The following WDR45 variants were observed in gnomAD, a reference collection of about 807,000 sequenced individuals.
The protein encoded by WDR45 is WD repeat domain 45.
WDR45 carries 2 observed loss-of-function variants against 27.3 expected under a neutral mutation model. That is an observed-to-expected ratio of 0.07 (90% confidence interval 0.03 to 0.23). The LOEUF (loss-of-function observed/expected upper bound fraction) is 0.23, where lower values mean the gene tolerates loss of function less well. Ranked by LOEUF, WDR45 falls within the 10% of genes least tolerant of loss-of-function variation. The probability of loss-of-function intolerance (pLI) is 1.00; values close to 1 mark genes in which losing one functional copy is unlikely to be tolerated. For synonymous variants in WDR45, 99 were observed against 119.2 expected, an observed-to-expected ratio of 0.83 and a Z score of 1.11; for missense variants, 175 against 311.9, an observed-to-expected ratio of 0.56 and a Z score of 3.31.
intron 2 of WDR45, among the ~76,000 whole-genome samples, chrX:49,097,858 A>G (rs1349839832): frequency 3.7e-5 from 4 of 107,314 alleles, no homozygotes; most frequent in Non-Finnish European, 5.8e-5. Flanking sequence ...GGGTTTCACC[A>G]TGTTGGTCAG....
At chrX:49,083,963 A>AG (rs1453387432), upstream of WDR45, among the ~76,000 whole-genome samples, 3 of 107,428 alleles carry the variant, frequency 2.8e-5, no homozygotes, top group Non-Finnish European at 5.8e-5. Context: ...AAAAAAAAAA[A>AG]AAAGAATAAA....
At chrX:49,084,638 AT>A (rs113643905), upstream of WDR45, among the ~76,000 whole-genome samples, 7 of 98,390 alleles carry the variant, frequency 7.1e-5, no homozygotes, top group African/African-American at 2.6e-4. Context: ...TGAAACAATG[AT>A]TTTTTTTTTT....
In WDR45 at chrX:49,076,724, C is replaced by T; in HGVS notation, c.262G>A (p.Gly88Ser). The change falls in exon 5 of 11, where the codon GGC (glycine) becomes AGC (serine). Residue 88 changes from glycine to serine, a missense_variant. Gly to Ser is a moderately conservative substitution (Grantham distance 56). Around this residue, in one of 3 missense-constraint regions of WDR45, gnomAD observed 102 missense variants for 165.4 expected, o/e 0.62. Transcript: ENST00000376372. ...ACCAGCTTCTCCTTGGAGTCCTTGC[C>T]CTCCCGGGCATCGTCCCAGATCAGC... Reference protein sequence around the residue: ...SVLIWDDAREGKDSKEKLVLE... With the variant: ...SVLIWDDARESKDSKEKLVLE... 8.3e-7 allele frequency: 1 copy of T among 1,208,084 alleles called. No homozygotes were observed. The highest frequency in any genetic ancestry group is 1.1e-6 in the Non-Finnish European group (1 of 893,511).
intron 1 of WDR45, among the ~76,000 whole-genome samples, chrX:49,079,371 T>C (rs1557084768): frequency 9.3e-6 from 1 of 107,582 alleles, no homozygotes; most frequent in African/African-American, 3.4e-5. Context: ...ACCCCTAAGA[T>C]GCCTGCGCAG....
intron 1 of WDR45, among the ~76,000 whole-genome samples, chrX:49,078,389 G>C (rs1359651825): frequency 1.8e-5 from 2 of 112,104 alleles, no homozygotes; most frequent in Non-Finnish European, 3.8e-5. Flanking sequence ...GGGTGTGGTG[G>C]GGGGCACCTA....
At position 49,097,608 on chromosome X, in the gene WDR45, A is replaced by G. The variant is rs1198825981; in HGVS notation, c.-18+2597T>C. Reference sequence around the variant, plus strand: ...CTCCCAAAGTGCTGGGATTACAGGCATGAGCCACCGCGCCTGGCCTCCCCC... The same window carrying G: ...CTCCCAAAGTGCTGGGATTACAGGCGTGAGCCACCGCGCCTGGCCTCCCCC... On this transcript the variant is annotated intron_variant, in intron 2 of 11. Transcript: ENST00000356463. 2.8e-5 allele frequency among the ~76,000 whole-genome samples: 3 copies of G among 108,205 alleles called. No homozygotes were observed. In the East Asian group the frequency reaches 8.6e-4, roughly 31 times the overall value. The allele number at this position is 108,205 out of a possible 115,157, so 94.0% of individuals were successfully genotyped here.
upstream of WDR45, among the ~76,000 whole-genome samples, chrX:49,081,727 T>C (rs782796222): frequency 4.6e-5 from 5 of 107,868 alleles, no homozygotes; most frequent in East Asian, 1.5e-3. Context: ...TGCATGCCTG[T>C]AATCCCAGCA....
At chrX:49,097,689 T>C (rs1437787186) in intron 2 of WDR45, among the ~76,000 whole-genome samples, 1 of 105,439 alleles carries the variant, frequency 9.5e-6, no homozygotes, top group African/African-American at 3.5e-5. Context: ...GGAATTTTGC[T>C]CCTGTTGCCC....
chrX:49,083,978 A>G (rs2065078082), upstream of WDR45, among the ~76,000 whole-genome samples: 1 of 107,119 alleles, frequency 9.3e-6, no homozygotes, highest in Non-Finnish European at 1.9e-5. Context: ...AATAAAAATT[A>G]AAATACATTT....
chrX:49,077,670 T>C lies in WDR45; in HGVS notation c.208A>G (p.Ser70Gly), dbSNP rs2147817424. 8.3e-7 allele frequency: 1 copy of C among 1,201,207 alleles called. No homozygotes were observed. Among genetic ancestry groups the C allele is most frequent in the Non-Finnish European group, 1.1e-6 (1 of 890,182 alleles). Residue 70 changes from serine to glycine, a missense_variant, in exon 4 of 11, where the codon AGT becomes GGT. Ser to Gly is a moderately conservative substitution (Grantham distance 56). This residue lies in a region of WDR45 where 102 missense variants were observed against 165.4 expected (regional missense o/e 0.62). Transcript: ENST00000376372. ...GAGATCTCTGAGAACTTGGGACTAC[T>C]ACCACCGCCCACCAAGGCCAGAAGG... is the stretch of plus-strand genomic sequence containing the variant. ...SNLLALVGGG[S>G]SPKFSEISVL...
rs1474843001 is a variant in WDR45 at position 49,079,799 on chromosome X, G to C, written c.-66C>G. The C allele has an allele frequency of 8.8e-6, 1 of 113,112 alleles. No homozygotes were observed. Among genetic ancestry groups the C allele is most frequent in the Non-Finnish European group, 1.9e-5 (1 of 53,417 alleles). The allele number at this position is 113,112 out of a possible 1,213,427, so 9.3% of individuals were successfully genotyped here. A position where few individuals can be genotyped will look rare whatever the true frequency, so the allele number is the denominator to read the frequency against. Reference sequence around the variant, plus strand: ...TGCCGCCTTCACCGGCCTGACCTCCGCGTGTCCCTGACCCGGGCCCCAGCT... The same window carrying C: ...TGCCGCCTTCACCGGCCTGACCTCCCCGTGTCCCTGACCCGGGCCCCAGCT... On this transcript the variant is annotated 5_prime_UTR_variant, in exon 1 of 11. Coordinates refer to ENST00000376372, the MANE Select transcript of WDR45 (RefSeq NM_001029896.2).
upstream of WDR45, among the ~76,000 whole-genome samples, chrX:49,081,095 C>T (rs1273624779): frequency 9.3e-6 from 1 of 107,089 alleles, no homozygotes; most frequent in African/African-American, 3.4e-5. Context: ...TAGTAGAGAC[C>T]GGGTTTCTCC....
intron 2 of WDR45, among the ~76,000 whole-genome samples, chrX:49,093,422 A>T (rs2065114190): frequency 9.1e-6 from 1 of 110,420 alleles, no homozygotes; most frequent in Non-Finnish European, 1.9e-5. Context: ...TGAGCCGCTG[A>T]GCCCGGCCAG....
chrX:49,078,248 G>A (rs1320604542), intron 1 of WDR45, 136 bp from the exon 2 acceptor site: 50 of 612,926 alleles, frequency 8.2e-5, no homozygotes, highest in East Asian at 7.2e-5. Context: ...CAGGCCAGGC[G>A]TGGTGGCTTA....
At chrX:49,076,300 T>C (rs868949341) in intron 6 of WDR45, 130 bp downstream of exon 6, 41 of 713,911 alleles carry the variant, frequency 5.7e-5, no homozygotes, top group Middle Eastern at 4.8e-4. Context: ...AGGCTATGAG[T>C]GTGAGCATCT....
intron 2 of WDR45, 58 bp from the exon 3 acceptor site, chrX:49,077,969 G>A: frequency 8.3e-7 from 1 of 1,205,489 alleles, no homozygotes; most frequent in Non-Finnish European, 1.1e-6. Context: ...GAAGCTGGGG[G>A]CCCATGGCCC....
upstream of WDR45, among the ~76,000 whole-genome samples, chrX:49,083,215 T>C (rs2065074649): frequency 9.2e-6 from 1 of 109,056 alleles, no homozygotes; most frequent in Non-Finnish European, 1.9e-5. Flanking sequence ...GGTTTCACCA[T>C]ATTGGCCAGG....
At chrX:49,083,944 C>CAAAAAAAA (rs2065077843), upstream of WDR45, among the ~76,000 whole-genome samples, 1 of 57,600 alleles carries the variant, frequency 1.7e-5, no homozygotes, top group Non-Finnish European at 3.0e-5. Flanking sequence ...GACACTCTGT[C>CAAAAAAAA]TAAAAAAAAA....
intron 2 of WDR45, among the ~76,000 whole-genome samples, chrX:49,098,672 C>T (rs1489542537): frequency 3.7e-5 from 4 of 108,739 alleles, no homozygotes; most frequent in Admixed American, 2.0e-4. Flanking sequence ...CCAGGTGTAG[C>T]GTGGCGCACC....
Sources: gnomAD v4.1 joint callset for allele counts (sites outside exome capture counted in the v4.1 genomes callset) on GRCh38, gnomAD v4.1.1 for gene constraint, gnomAD v4.1.1 regional missense constraint, MANE v1.5 for transcripts, NCBI Gene and HGNC (gene_info 2026-07-23, HGNC 2026-07-21) for gene names.